TANC2: variants seen among roughly 807,000 people sequenced by gnomAD.
TANC2 encodes the protein protein TANC2.
In TANC2, 26 loss-of-function variants were observed where a neutral mutation model predicts 210.5. The ratio of observed to expected loss-of-function variants is 0.12; its 90% CI spans 0.09 to 0.17. TANC2 has a LOEUF of 0.17. Ranked by LOEUF, TANC2 falls within the 10% of genes least tolerant of loss-of-function variation. The pLI is 1.00. For missense variants in TANC2, 2,129 were observed against 2,608.9 expected (o/e 0.82, Z 4.01); for synonymous variants, 931 against 967.1 (o/e 0.96, Z 0.69).
intron 3 of TANC2, among the ~76,000 whole-genome samples, chr17:63,098,652 A>T (rs1481500845): frequency 6.6e-6 from 1 of 151,788 alleles, no homozygotes; most frequent in Non-Finnish European, 1.5e-5. Flanking sequence ...TCAACAGCAT[A>T]TAAGTAGAAG....
chr17:62,986,062 T>A (rs1326095012), intron 1 of TANC2, among the ~76,000 whole-genome samples: 1 of 152,206 alleles, frequency 6.6e-6, no homozygotes, highest in Non-Finnish European at 1.5e-5. Context: ...AGGTGGGGCA[T>A]GTTGGCTCTA....
intron 10 of TANC2, among the ~76,000 whole-genome samples, chr17:63,318,190 A>G (rs1393620014): frequency 6.6e-6 from 1 of 152,226 alleles, no homozygotes. Flanking sequence ...CCATCAAATA[A>G]CAACTTCTAA....
intron 14 of TANC2, among the ~76,000 whole-genome samples, chr17:63,361,551 G>C (rs767637574): frequency 2.0e-5 from 3 of 152,256 alleles, no homozygotes; most frequent in Non-Finnish European, 2.9e-5. Flanking sequence ...GTCTGGACAA[G>C]GGGAATGCGG....
chr17:63,408,182 C>G (rs1238807514), intron 21 of TANC2, among the ~76,000 whole-genome samples: 1 of 152,142 alleles, frequency 6.6e-6, no homozygotes. Context: ...AGGGCAGTAG[C>G]TTTCAGCATA....
chr17:63,174,652 TCTAA>T (rs1255993028), intron 5 of TANC2, among the ~76,000 whole-genome samples: 1 of 152,144 alleles, frequency 6.6e-6, no homozygotes, highest in Non-Finnish European at 1.5e-5. Flanking sequence ...CCTCTCCTAC[TCTAA>T]CTACTTTTAC....
rs548575885 is a variant in TANC2, at chr17:63,238,851, A to G, written c.1033+774A>G. Among the ~76,000 whole-genome samples the G allele has an allele frequency of 4.6e-5, 7 of 152,316 alleles. No homozygotes were observed. In the South Asian group the frequency reaches 1.4e-3, roughly 32 times the overall value. On this transcript the variant is annotated intron_variant, in intron 8 of 27. Transcript: ENST00000689528. ...CAAGGCAGCAGGAGAGAGAGCAAGC[A>G]CACAGGGGAACTACCAGTTTTAAAC...
At chr17:63,064,971 T>C (rs555640880) in intron 2 of TANC2, among the ~76,000 whole-genome samples, 1 of 152,226 alleles carries the variant, frequency 6.6e-6, no homozygotes, top group Admixed American at 6.5e-5. Context: ...TTCTGTACAA[T>C]AGATTTCCGG....
At chr17:63,298,409 C>A (rs1196526540) in intron 9 of TANC2, among the ~76,000 whole-genome samples, 1 of 152,078 alleles carries the variant, frequency 6.6e-6, no homozygotes, top group Non-Finnish European at 1.5e-5. Flanking sequence ...CATGAATGAA[C>A]CTTGAATTAT....
chr17:63,113,465 G>A (rs1241738245), intron 4 of TANC2, among the ~76,000 whole-genome samples: 2 of 152,094 alleles, frequency 1.3e-5, no homozygotes, highest in Non-Finnish European at 2.9e-5. Context: ...CATTCATGTC[G>A]TGGGCAGAAT....
intron 5 of TANC2, among the ~76,000 whole-genome samples, chr17:63,163,604 T>C (rs2040103967): frequency 6.6e-6 from 1 of 152,230 alleles, no homozygotes; most frequent in Admixed American, 6.5e-5. Context: ...CCTTTTATTC[T>C]GATATTTTCC....
intron 4 of TANC2, among the ~76,000 whole-genome samples, chr17:63,142,721 G>T (rs1409803160): frequency 6.6e-6 from 1 of 151,860 alleles, no homozygotes; most frequent in African/African-American, 2.4e-5. Context: ...TTTTTCAATT[G>T]TTGTAACCAT....
intron 4 of TANC2, among the ~76,000 whole-genome samples, chr17:63,109,928 C>T (rs745678400): frequency 1.3e-5 from 2 of 151,672 alleles, no homozygotes; most frequent in Non-Finnish European, 2.9e-5. Flanking sequence ...TCTTTTATAT[C>T]CTGGAAAGCA....
exon 26 of TANC2, chr17:63,415,591 G>T: frequency 6.2e-7 from 1 of 1,613,862 alleles, no homozygotes; most frequent in Non-Finnish European, 8.5e-7. Context: ...CCCTAGAGAA[G>T]GGTTTGGTGA....
intron 4 of TANC2, among the ~76,000 whole-genome samples, chr17:63,140,197 G>A (rs547214763): frequency 1.3e-5 from 2 of 152,262 alleles, no homozygotes; most frequent in East Asian, 3.9e-4. Flanking sequence ...TAAAAAGGAG[G>A]ATTAGCTGAT....
chr17:63,222,129 G>A (rs531258935), intron 7 of TANC2, among the ~76,000 whole-genome samples: 8 of 152,146 alleles, frequency 5.3e-5, no homozygotes, highest in African/African-American at 1.2e-4. Flanking sequence ...TTCCTGTTTC[G>A]TAGACAGCAT....
chr17:62,976,065 A>G (rs1223698887), intron 1 of TANC2, among the ~76,000 whole-genome samples: 1 of 152,124 alleles, frequency 6.6e-6, no homozygotes, highest in African/African-American at 2.4e-5. Flanking sequence ...TCTTTTGTGA[A>G]GTATTTGATA....
intron 5 of TANC2, among the ~76,000 whole-genome samples, chr17:63,185,974 G>T (rs1048574262): frequency 3.9e-5 from 6 of 152,102 alleles, no homozygotes; most frequent in African/African-American, 1.4e-4. Context: ...TTGGGCCTTT[G>T]TAAGAAATAT....
Position 63,140,545 on chromosome 17 carries a change from T to C in TANC2, c.323-10725T>C, listed in dbSNP as rs372336159. On this transcript the variant is annotated intron_variant, in intron 4 of 27. Coordinates refer to ENST00000689528, the Ensembl canonical transcript of TANC2. Reference sequence around the variant, plus strand: ...CTATGTCACTTCTGCTTTTATTTCATTGGCTCAAACTAGTCTTCTAAACTG... The same window carrying C: ...CTATGTCACTTCTGCTTTTATTTCACTGGCTCAAACTAGTCTTCTAAACTG... Among the ~76,000 whole-genome samples, 28 of 152,284 alleles carry C rather than the reference T, an allele frequency of 1.8e-4. No homozygotes were observed. In the South Asian group the frequency reaches 2.3e-3, roughly 12 times the overall value.
intron 9 of TANC2, among the ~76,000 whole-genome samples, chr17:63,283,051 T>C (rs1483708989): frequency 6.6e-6 from 1 of 152,096 alleles, no homozygotes; most frequent in Admixed American, 6.5e-5. Context: ...GACACAAATA[T>C]TTTCTCCTAG....
Sources: allele counts gnomAD v4.1 joint callset (sites outside exome capture counted in the v4.1 genomes callset), GRCh38; gene constraint gnomAD v4.1.1; transcripts MANE v1.5; gene names NCBI Gene and HGNC (gene_info 2026-07-23, HGNC 2026-07-21).